Variants in MED26 observed in about 807,000 individuals in gnomAD.
MED26 encodes mediator complex subunit 26.
In MED26, 7 loss-of-function variants were observed where a neutral mutation model predicts 43.7. That is an observed-to-expected ratio of 0.16 (90% CI 0.09 to 0.30). MED26 has a LOEUF of 0.30. Ranked by LOEUF, MED26 falls within the 10% of genes least tolerant of loss-of-function variation. The pLI is 1.00. For synonymous variants in MED26, 375 were observed against 371.1 expected (o/e 1.01, Z -0.12); for missense variants, 784 against 840.6 (o/e 0.93, Z 0.83).
At chr19:16,603,522 G>C (rs2086159263) in intron 1 of MED26, among the ~76,000 whole-genome samples, 1 of 152,124 alleles carries the variant, frequency 6.6e-6, no homozygotes, top group Admixed American at 6.5e-5. Context: ...CTATGCTGAT[G>C]TATCAAGGGC....
In MED26 at chr19:16,577,782, G is replaced by A. The variant is rs1469242014; in HGVS notation, c.148-100C>T. The A allele has an allele frequency of 1.2e-5, 11 of 902,374 alleles. No individual in the cohort carries two copies. Among genetic ancestry groups the A allele is most frequent in the South Asian group, 8.9e-5 (5 of 56,264 alleles). 55.9% of individuals were successfully genotyped at this position (902,374 alleles called of 1,614,324 possible). On this transcript the variant is annotated intron_variant, in intron 2 of 2. Transcript: ENST00000263390. This position sits in a 1 kb window ranked among gnomAD's most constrained non-coding sequence, Gnocchi z 8.1. ...AGTGGCCCTGACAGTGAAATGACCC[G>A]GTTCCCACTGAGCCCTAAACTGCCA...
At chr19:16,618,319 C>A (rs551658921) in intron 1 of MED26, among the ~76,000 whole-genome samples, 8 of 152,150 alleles carry the variant, frequency 5.3e-5, no homozygotes. Context: ...CCATTCCAGG[C>A]AGTGACTGAA....
intron 1 of MED26, among the ~76,000 whole-genome samples, chr19:16,620,676 G>A (rs2086247718): frequency 6.6e-6 from 1 of 152,184 alleles, no homozygotes; most frequent in Admixed American, 6.5e-5. Flanking sequence ...GACGGTCTTG[G>A]ATTAAGCCAG....
chr19:16,591,781 G>T (rs1037537069), intron 1 of MED26, among the ~76,000 whole-genome samples: 1 of 152,182 alleles, frequency 6.6e-6, no homozygotes, highest in African/African-American at 2.4e-5. Flanking sequence ...AAGTAGCCAC[G>T]GTGCGTCTGA....
chr19:16,575,984 G>A lies in MED26; in HGVS notation c.*43C>T, dbSNP rs772692009. The A allele has an allele frequency of 3.2e-5, 46 of 1,440,474 alleles. No individual in the cohort carries two copies. Among genetic ancestry groups the A allele is most frequent in the Admixed American group, 9.3e-5 (5 of 53,570 alleles). The allele number at this position is 1,440,474 out of a possible 1,614,324, so 89.2% of individuals were successfully genotyped here. ...TGCCCACCTGCCTGCCCGCCCACCC[G>A]GCTTCTGCAAGATGGGAATGCACTT... On this transcript the variant is annotated 3_prime_UTR_variant, in exon 3 of 3. Transcript: ENST00000263390.
At chr19:16,627,287 G>A (rs1033473985) in intron 1 of MED26, among the ~76,000 whole-genome samples, 4 of 152,148 alleles carry the variant, frequency 2.6e-5, no homozygotes, top group East Asian at 1.9e-4. Flanking sequence ...GGCGTGTCTA[G>A]TCACAGAAGG....
chr19:16,586,915 T>G lies in MED26; in HGVS notation c.73-8506A>C, dbSNP rs2086073389. ...ACAACAATGGGGATGTTGTCGGGTT[T>G]TTTTTTTTTTTTTAATGCAGAATGG... On this transcript the variant is annotated intron_variant, in intron 1 of 2. Transcript: ENST00000263390. The surrounding 1 kb of genome is among the most constrained non-coding windows in gnomAD (Gnocchi z 5.1). 6.6e-6 allele frequency: 1 copy of G among 150,970 alleles called. No homozygotes were observed. Among genetic ancestry groups the G allele is most frequent in the African/African-American group, 2.4e-5 (1 of 41,228 alleles). 9.4% of individuals were successfully genotyped at this position (150,970 alleles called of 1,614,324 possible).
chr19:16,604,542 G>A (rs2086163791), intron 1 of MED26, among the ~76,000 whole-genome samples: 1 of 152,202 alleles, frequency 6.6e-6, no homozygotes. Flanking sequence ...TGCAGGCTGA[G>A]GCTGGGTCCC....
intron 1 of MED26, chr19:16,611,631 A>G (rs910596278): frequency 6.6e-6 from 1 of 152,084 alleles, no homozygotes; most frequent in African/African-American, 2.4e-5. Context: ...TTTTACCCCA[A>G]GTTCTAGTTC....
At position 16,587,759 on chromosome 19, in the gene MED26, T is replaced by C. The variant is rs1010059387; in HGVS notation, c.73-9350A>G. On this transcript the variant is annotated intron_variant, in intron 1 of 2. Transcript: ENST00000263390. This position sits in a 1 kb window ranked among gnomAD's most constrained non-coding sequence, Gnocchi z 4.9. ...CTGTAATGCTTGGGCAAGTATGCAA[T>C]TGCATGCTACAACTCAGCCCGGGGG... is the stretch of plus-strand genomic sequence containing the variant. 2 of 152,308 alleles carry C rather than the reference T, an allele frequency of 1.3e-5. No homozygotes were observed. The highest frequency in any genetic ancestry group is 4.8e-5 in the African/African-American group (2 of 41,430). The allele number at this position is 152,308 out of a possible 1,614,324, so 9.4% of individuals were successfully genotyped here.
intron 1 of MED26, among the ~76,000 whole-genome samples, chr19:16,595,848 G>C (rs1174394523): frequency 6.6e-6 from 1 of 152,178 alleles, no homozygotes; most frequent in East Asian, 1.9e-4. Flanking sequence ...TTGCTGGGCA[G>C]TTCACTTCTT....
intron 1 of MED26, among the ~76,000 whole-genome samples, chr19:16,593,145 A>AT (rs1201564584): frequency 6.6e-6 from 1 of 152,226 alleles, no homozygotes; most frequent in Non-Finnish European, 1.5e-5. Context: ...CCTCAGTGAC[A>AT]TCTCATAGAC....
intron 1 of MED26, among the ~76,000 whole-genome samples, chr19:16,618,592 C>G (rs1331532583): frequency 1.3e-5 from 2 of 152,122 alleles, no homozygotes; most frequent in African/African-American, 4.8e-5. Context: ...TTTTTTTCCC[C>G]AAAAACTCCC....
intron 1 of MED26, among the ~76,000 whole-genome samples, chr19:16,605,075 C>T (rs1003264945): frequency 9.2e-5 from 14 of 152,066 alleles, no homozygotes; most frequent in Non-Finnish European, 1.6e-4. Context: ...TTTTAAGTTA[C>T]GGAAATATTC....
At chr19:16,597,385 C>G (rs2086125417) in intron 1 of MED26, 1 of 398,636 alleles carries the variant, frequency 2.5e-6, no homozygotes, top group Non-Finnish European at 4.4e-6. Flanking sequence ...TCCCACTTTC[C>G]TAGTTTATTT....
At chr19:16,598,622 G>A (rs370400945) in intron 1 of MED26, among the ~76,000 whole-genome samples, 7 of 152,174 alleles carry the variant, frequency 4.6e-5, no homozygotes, top group East Asian at 3.9e-4. Flanking sequence ...TTGAGAAGTC[G>A]CGTCAACAAC....
intron 1 of MED26, among the ~76,000 whole-genome samples, chr19:16,627,286 A>G (rs997956982): frequency 6.6e-6 from 1 of 152,118 alleles, no homozygotes. Context: ...AGGCGTGTCT[A>G]GTCACAGAAG....
chr19:16,620,740 G>A (rs1193363570), intron 1 of MED26, among the ~76,000 whole-genome samples: 1 of 152,240 alleles, frequency 6.6e-6, no homozygotes, highest in African/African-American at 2.4e-5. Flanking sequence ...CCCAACTGGA[G>A]GCAGCACAAA....
At chr19:16,600,053 GA>G (rs774728687) in intron 1 of MED26, among the ~76,000 whole-genome samples, 1 of 152,176 alleles carries the variant, frequency 6.6e-6, no homozygotes, top group African/African-American at 2.4e-5. Context: ...CCACCTGTGA[GA>G]GGGGGGACAG....
Sources: allele counts gnomAD v4.1 joint callset (sites outside exome capture counted in the v4.1 genomes callset), GRCh38; gene constraint gnomAD v4.1.1; non-coding constraint Gnocchi (gnomAD v3.1); transcripts MANE v1.5; gene names NCBI Gene and HGNC (gene_info 2026-07-23, HGNC 2026-07-21).